The following MGAT5 variants were observed in gnomAD, a reference collection of about 807,000 sequenced individuals.
MGAT5 encodes alpha-1,6-mannosylglycoprotein 6-beta-N-acetylglucosaminyltransferase A.
A neutral mutation model predicts 94.3 loss-of-function variants in MGAT5; 30 were observed. The ratio of observed to expected loss-of-function variants is 0.32; its 90% CI spans 0.24 to 0.43. The LOEUF is 0.43. Among genes scored for constraint, MGAT5 ranks in the 20% least tolerant of loss-of-function variants. The probability of loss-of-function intolerance (pLI) is 1.00; values close to 1 mark genes in which losing one functional copy is unlikely to be tolerated. For synonymous variants in MGAT5, 310 were observed against 322.9 expected (o/e 0.96, Z 0.43); for missense variants, 691 against 905.5 (o/e 0.76, Z 3.04).
intron 1 of MGAT5, among the ~76,000 whole-genome samples, chr2:134,189,607 T>TTTTGTTTTTTTTTTTTTTTTTTTTTG: frequency 1.2e-5 from 1 of 80,618 alleles, no homozygotes; most frequent in Non-Finnish European, 2.3e-5. Flanking sequence ...TTTTTGTTTT[T>TTTTGTTTTTTTTTTTTTTTTTTTTTG]TTTTTTTTTT....
At chr2:134,342,258 T>C (rs1688676002) in intron 7 of MGAT5, among the ~76,000 whole-genome samples, 1 of 152,144 alleles carries the variant, frequency 6.6e-6, no homozygotes, top group Admixed American at 6.5e-5. Flanking sequence ...GGGTTTTTCA[T>C]TTCACTGAAA....
chr2:134,303,465 T>C (rs1686150765), intron 2 of MGAT5, among the ~76,000 whole-genome samples: 1 of 152,186 alleles, frequency 6.6e-6, no homozygotes, highest in African/African-American at 2.4e-5. Flanking sequence ...TGCCTTGAAC[T>C]TAAGAAGACT....
intron 10 of MGAT5, among the ~76,000 whole-genome samples, chr2:134,370,870 G>A (rs1680747937): frequency 6.6e-6 from 1 of 152,238 alleles, no homozygotes; most frequent in Admixed American, 6.5e-5. Context: ...GGTGTTGGCT[G>A]CATGCTGACT....
Position 134,254,120 on chromosome 2 carries a change from A to G in MGAT5, c.-284A>G, listed in dbSNP as rs1682785670. 1.8e-6 allele frequency: 1 copy of G among 560,466 alleles called. No homozygotes were observed. The highest frequency in any genetic ancestry group is 3.1e-6 in the Non-Finnish European group (1 of 318,888). The allele number at this position is 560,466 out of a possible 1,614,324, so 34.7% of individuals were successfully genotyped here. A position where few individuals can be genotyped will look rare whatever the true frequency, so the allele number is the denominator to read the frequency against. ...CTAGCCAGATTTCCCCTCAGCTTAC[A>G]GTTCCTGAATCATAAGATATTGAAC... On this transcript the variant is annotated 5_prime_UTR_variant, in exon 1 of 16. Transcript: ENST00000281923.
chr2:134,173,324 G>A lies in MGAT5; in HGVS notation c.-143+53033G>A, dbSNP rs553354088. The stretch of plus-strand genomic sequence containing the variant: ...TGGTTTAGTGCTGCCAGGTAGGGAA[G>A]TCTGCTCTTCAAGGGTTGCCAGGTG... On this transcript the variant is annotated intron_variant, in intron 1 of 16. Transcript: ENST00000409645. Among the ~76,000 whole-genome samples the A allele has an allele frequency of 1.3e-3, 196 of 152,340 alleles. 3 individuals are homozygous for A. In the Middle Eastern group the frequency reaches 0.075, roughly 58 times the overall value.
At chr2:134,163,233 CTTAG>C (rs968524727) in intron 1 of MGAT5, among the ~76,000 whole-genome samples, 6 of 152,134 alleles carry the variant, frequency 3.9e-5, no homozygotes, top group African/African-American at 7.2e-5. Flanking sequence ...AGGTAGATTT[CTTAG>C]TTAGAGCAGA....
chr2:134,401,378 A>G (rs1464376361), intron 10 of MGAT5, among the ~76,000 whole-genome samples: 1 of 152,170 alleles, frequency 6.6e-6, no homozygotes, highest in African/African-American at 2.4e-5. Context: ...CCAAGAGAGC[A>G]TCTGGTTGGC....
chr2:134,194,527 T>C (rs1172303951), intron 1 of MGAT5, among the ~76,000 whole-genome samples: 1 of 152,118 alleles, frequency 6.6e-6, no homozygotes, highest in African/African-American at 2.4e-5. Context: ...ATGAGATACG[T>C]CTGTGTGCTT....
intron 1 of MGAT5, among the ~76,000 whole-genome samples, chr2:134,216,772 G>C (rs1211822942): frequency 6.6e-6 from 1 of 152,190 alleles, no homozygotes; most frequent in Non-Finnish European, 1.5e-5. Flanking sequence ...GATTATTGTG[G>C]TTTCTCAGGT....
In MGAT5 at chr2:134,268,832, A is replaced by C. The variant is rs902459455; in HGVS notation, c.242-1554A>C. Among the ~76,000 whole-genome samples the C allele has an allele frequency of 6.6e-6, 1 of 152,128 alleles. No individual in the cohort carries two copies. Among genetic ancestry groups the C allele is most frequent in the Admixed American group, 6.5e-5 (1 of 15,274 alleles). ...AGGAAACAGGAATGCCAGAGGTAGG[A>C]CTCAAACCTAGGAACTCTGGCTCCA... On this transcript the variant is annotated intron_variant, in intron 1 of 15. Coordinates refer to ENST00000281923, the MANE Select transcript of MGAT5 (RefSeq NM_002410.5). This position sits in a 1 kb window ranked among gnomAD's most constrained non-coding sequence, Gnocchi z 4.1.
chr2:134,142,003 G>A (rs528058602), intron 1 of MGAT5, among the ~76,000 whole-genome samples: 6 of 152,322 alleles, frequency 3.9e-5, no homozygotes, highest in African/African-American at 1.4e-4. Flanking sequence ...CAGGAGGTGG[G>A]GTGGCAGGGC....
chr2:134,363,724 G>T (rs986060913), intron 10 of MGAT5, among the ~76,000 whole-genome samples: 1 of 152,210 alleles, frequency 6.6e-6, no homozygotes, highest in African/African-American at 2.4e-5. Flanking sequence ...TGTTTCCTAT[G>T]TATGTTATAC....
chr2:134,312,269 A>T (rs1300470632), intron 2 of MGAT5, among the ~76,000 whole-genome samples: 1 of 152,128 alleles, frequency 6.6e-6, no homozygotes, highest in African/African-American at 2.4e-5. Context: ...AAAATCTCTC[A>T]TACAACCATA....
intron 1 of MGAT5, among the ~76,000 whole-genome samples, chr2:134,206,591 A>T (rs1449058304): frequency 6.6e-6 from 1 of 152,146 alleles, no homozygotes; most frequent in South Asian, 2.1e-4. Context: ...TGAAACGTGG[A>T]TGTAGCCTTA....
chr2:134,215,150 A>G (rs762351900), intron 1 of MGAT5, among the ~76,000 whole-genome samples: 4 of 152,232 alleles, frequency 2.6e-5, no homozygotes, highest in African/African-American at 2.4e-5. Flanking sequence ...ACCAAAATTT[A>G]TTGATCCACC....
chr2:134,414,871 T>A (rs1052665844), intron 12 of MGAT5, among the ~76,000 whole-genome samples: 2 of 152,220 alleles, frequency 1.3e-5, no homozygotes. Context: ...GCATGTGGGA[T>A]CATGCAGAAT....
intron 10 of MGAT5, among the ~76,000 whole-genome samples, chr2:134,398,744 T>TA (rs11464801): frequency 0.55 from 84,244 of 151,936 alleles, 24,265 homozygotes; most frequent in South Asian, 0.62. Context: ...TTCGGCCATT[T>TA]AAAAAAATGG....
chr2:134,394,394 T>C (rs1250785572), intron 10 of MGAT5, among the ~76,000 whole-genome samples: 1 of 152,204 alleles, frequency 6.6e-6, no homozygotes. Context: ...TAAAGATCAA[T>C]TGACATCTGC....
chr2:134,305,124 C>T (rs1686250224), intron 2 of MGAT5, among the ~76,000 whole-genome samples: 1 of 152,136 alleles, frequency 6.6e-6, no homozygotes, highest in African/African-American at 2.4e-5. Context: ...AGGACCAAAA[C>T]CTTATTATCA....
Sources: gnomAD v4.1 joint callset for allele counts (sites outside exome capture counted in the v4.1 genomes callset) on GRCh38, gnomAD v4.1.1 for gene constraint, Gnocchi (gnomAD v3.1) non-coding constraint, MANE v1.5 for transcripts, NCBI Gene and HGNC (gene_info 2026-07-23, HGNC 2026-07-21) for gene names.